The following FANCC variants were observed in gnomAD, a reference collection of about 807,000 sequenced individuals.
FANCC encodes FA complementation group C.
A neutral mutation model predicts 71.3 loss-of-function variants in FANCC; 55 were observed. The observed-to-expected ratio is 0.77, with a 90% confidence interval of 0.62 to 0.97. The LOEUF (loss-of-function observed/expected upper bound fraction) is 0.97. FANCC is among the 50% of genes least tolerant of loss of function. The pLI is 0.00. For missense variants in FANCC, 678 were observed against 670.9 expected (o/e 1.01, Z -0.12); for synonymous variants, 275 against 244.9 (o/e 1.12, Z -1.15).
At chr9:95,161,691 G>A (rs975911852) in intron 6 of FANCC, among the ~76,000 whole-genome samples, 1 of 152,122 alleles carries the variant, frequency 6.6e-6, no homozygotes, top group Admixed American at 6.5e-5. Context: ...CAGTACAGTA[G>A]TGTTAACTAT....
At chr9:95,197,534 G>A (rs537762352) in intron 4 of FANCC, among the ~76,000 whole-genome samples, 64 of 152,186 alleles carry the variant, frequency 4.2e-4, no homozygotes, top group Admixed American at 1.5e-3. Context: ...ATCAGACCCC[G>A]TCACAAACAA....
intron 4 of FANCC, among the ~76,000 whole-genome samples, chr9:95,230,811 C>T (rs909729612): frequency 6.6e-6 from 1 of 152,082 alleles, no homozygotes; most frequent in Non-Finnish European, 1.5e-5. Context: ...TGTTTGGTCC[C>T]GCCCACATCC....
intron 6 of FANCC, among the ~76,000 whole-genome samples, chr9:95,157,003 C>T (rs1281261307): frequency 2.0e-5 from 3 of 152,170 alleles, no homozygotes; most frequent in Admixed American, 1.3e-4. Flanking sequence ...TCAGGAGAGT[C>T]CCATCCACCT....
intron 4 of FANCC, among the ~76,000 whole-genome samples, chr9:95,195,960 C>T (rs543510457): frequency 6.6e-6 from 1 of 152,156 alleles, no homozygotes; most frequent in Non-Finnish European, 1.5e-5. Flanking sequence ...ATCTTGTATC[C>T]TGCAGCTCTG....
At chr9:95,170,863 T>C (rs940971238) in intron 6 of FANCC, among the ~76,000 whole-genome samples, 3 of 152,128 alleles carry the variant, frequency 2.0e-5, no homozygotes, top group Non-Finnish European at 2.9e-5. Flanking sequence ...CATTGTATGA[T>C]TTACTTACTG....
At chr9:95,232,624 T>C (rs1323504620) in intron 4 of FANCC, among the ~76,000 whole-genome samples, 1 of 152,186 alleles carries the variant, frequency 6.6e-6, no homozygotes, top group Non-Finnish European at 1.5e-5. Context: ...TGTTTTTTTA[T>C]GCCCCAAACA....
At chr9:95,159,501 A>G (rs1374526643) in intron 6 of FANCC, among the ~76,000 whole-genome samples, 1 of 152,236 alleles carries the variant, frequency 6.6e-6, no homozygotes, top group East Asian at 1.9e-4. Flanking sequence ...ATACGTGTGC[A>G]TGTATCTTTA....
chr9:95,103,200 A>C (rs1407840204), intron 14 of FANCC, among the ~76,000 whole-genome samples: 1 of 151,952 alleles, frequency 6.6e-6, no homozygotes, highest in Non-Finnish European at 1.5e-5. Flanking sequence ...CCATGTCTGA[A>C]GAAAGGCCGA....
intron 4 of FANCC, among the ~76,000 whole-genome samples, chr9:95,220,357 C>G (rs1241610422): frequency 6.6e-6 from 1 of 152,220 alleles, no homozygotes; most frequent in Non-Finnish European, 1.5e-5. Context: ...ACCTAGCCAT[C>G]CCATTACTGG....
chr9:95,170,755 G>A (rs916941921), intron 6 of FANCC, among the ~76,000 whole-genome samples: 1 of 150,210 alleles, frequency 6.7e-6, no homozygotes, highest in Non-Finnish European at 1.5e-5. Flanking sequence ...TTCTCCTCTT[G>A]CAGAGTGAGC....
At chr9:95,195,058 C>T (rs978274386) in intron 4 of FANCC, among the ~76,000 whole-genome samples, 33 of 152,012 alleles carry the variant, frequency 2.2e-4, no homozygotes, top group African/African-American at 7.5e-4. Context: ...ATTAGCTTGG[C>T]GTGGTGGCAC....
intron 1 of FANCC, among the ~76,000 whole-genome samples, chr9:95,261,256 C>T (rs964757990): frequency 2.0e-5 from 3 of 152,104 alleles, no homozygotes; most frequent in East Asian, 1.9e-4. Context: ...ACTTTTTTAT[C>T]GCAGGTAATC....
At chr9:95,123,780 G>T (rs186119389) in intron 10 of FANCC, 2 of 699,178 alleles carry the variant, frequency 2.9e-6, no homozygotes, top group Non-Finnish European at 5.3e-6. Flanking sequence ...GTCAGGAATC[G>T]ATCTTGTGAA....
At position 95,270,284 on chromosome 9, in the gene FANCC, C is replaced by A. The variant is rs141130247; in HGVS notation, c.-78-20915G>T. ...CCAGTACTAGTCCTCTCATCCAGTA[C>A]CGGTCAGGGACCCGTCGCAGCGAGA... On this transcript the variant is annotated intron_variant, in intron 1 of 14. Transcript: ENST00000289081. 6.6e-4 allele frequency among the ~76,000 whole-genome samples: 100 copies of A among 152,248 alleles called. No individual in the cohort carries two copies. The Middle Eastern group carries it at 0.01, about 16-fold the overall frequency.
chr9:95,169,335 G>T (rs935094442), intron 6 of FANCC, among the ~76,000 whole-genome samples: 1 of 152,182 alleles, frequency 6.6e-6, no homozygotes, highest in Non-Finnish European at 1.5e-5. Context: ...GTTGTGAGTG[G>T]AATACAGAAA....
At chr9:95,176,954 C>T (rs889745123) in intron 4 of FANCC, among the ~76,000 whole-genome samples, 7 of 152,164 alleles carry the variant, frequency 4.6e-5, no homozygotes, top group Non-Finnish European at 8.8e-5. Flanking sequence ...GTATGAGCTC[C>T]GTCTTGACAT....
At chr9:95,261,540 T>C (rs3844341) in intron 1 of FANCC, among the ~76,000 whole-genome samples, 58,670 of 152,082 alleles carry the variant, frequency 0.39, 11,922 homozygotes, top group East Asian at 0.59. Context: ...GCAAAAGCAA[T>C]TGGCATGAAA....
intron 5 of FANCC, 104 bp downstream of exon 5, chr9:95,171,933 G>C: frequency 1.3e-6 from 1 of 769,090 alleles, no homozygotes; most frequent in Non-Finnish European, 2.3e-6. Flanking sequence ...ACAAAGAAAA[G>C]TTAAACATCT....
intron 4 of FANCC, among the ~76,000 whole-genome samples, chr9:95,178,536 G>A (rs1826151928): frequency 6.6e-6 from 1 of 152,250 alleles, no homozygotes; most frequent in South Asian, 2.1e-4. Context: ...GCCCTGGAAT[G>A]AGTCCCTCTG....
Sources: gnomAD v4.1 joint callset for allele counts (sites outside exome capture counted in the v4.1 genomes callset) on GRCh38, gnomAD v4.1.1 for gene constraint, MANE v1.5 for transcripts, NCBI Gene and HGNC (gene_info 2026-07-23, HGNC 2026-07-21) for gene names.